LRRC18: variants seen among roughly 807,000 people sequenced by gnomAD.
LRRC18 encodes leucine rich repeat containing 18, also known as leucine-rich repeat-containing protein 18.
In LRRC18, 12 loss-of-function variants were observed where a neutral mutation model predicts 11.2. The ratio of observed to expected loss-of-function variants is 1.07; its 90% confidence interval spans 0.69 to 1.74. LRRC18 has a LOEUF of 1.74. LRRC18 is among the 40% of genes most tolerant of loss of function. The probability of loss-of-function intolerance (pLI) is 0.00; values close to 1 mark genes in which losing one functional copy is unlikely to be tolerated. For synonymous variants in LRRC18, 155 were observed against 130.6 expected (o/e 1.19, Z -1.27); for missense variants, 374 against 330.5 (o/e 1.13, Z -1.02).
chr10:48,910,388 G>A, intron 1 of LRRC18, 130 bp from the exon 4 acceptor site: 1 of 785,420 alleles, frequency 1.3e-6, no homozygotes, highest in Non-Finnish European at 2.3e-6. Context: ...AGTGTGAATG[G>A]GGGTTTTGTT....
At chr10:48,914,286 C>A (rs187744321), upstream of LRRC18, 100 of 950,494 alleles carry the variant, frequency 1.1e-4, 1 homozygote, top group African/African-American at 1.3e-3. Context: ...GCACTGGGCT[C>A]CCCCACGTCA....
chr10:48,914,834 C>T (rs1838359297), upstream of LRRC18, among the ~76,000 whole-genome samples: 1 of 152,172 alleles, frequency 6.6e-6, no homozygotes, highest in Non-Finnish European at 1.5e-5. Context: ...TTGCTGGGCC[C>T]AGCAGCACCA....
chr10:48,923,132 C>T, the LRRC18 span, among the ~76,000 whole-genome samples: 3 of 152,300 alleles, frequency 2.0e-5, no homozygotes, highest in African/African-American at 2.4e-5. Context: ...GCTTGTCCCA[C>T]GTTGGAAGTC....
chr10:48,910,843 G>A (rs12254529), intron 1 of LRRC18: 17 of 898,306 alleles, frequency 1.9e-5, no homozygotes, highest in East Asian at 2.4e-4. Flanking sequence ...GTGCTGCAGC[G>A]GGGAAGGGAG....
At chr10:48,938,280 G>A in the LRRC18 span, among the ~76,000 whole-genome samples, 3 of 152,236 alleles carry the variant, frequency 2.0e-5, no homozygotes, top group East Asian at 3.8e-4. Context: ...TTAACCTGCA[G>A]GCCCTCTGTA....
the LRRC18 span, among the ~76,000 whole-genome samples, chr10:48,921,161 A>G: frequency 1.2e-4 from 18 of 152,218 alleles, no homozygotes; most frequent in African/African-American, 3.6e-4. Flanking sequence ...CTAGGAATGG[A>G]AAATAATTTT....
chr10:48,913,703 G>A lies in LRRC18; in HGVS notation c.453C>T (p.Leu151=), dbSNP rs369639704. The A allele has an allele frequency of 7.4e-6, 12 of 1,612,386 alleles. No individual in the cohort carries two copies. In the African/African-American group the frequency reaches 1.3e-4, roughly 18 times the overall value. ...GGATGTTGTTCAGTAGGTTGTCATG[G>A]AGCCCTACCTCGTGGAGCTCCTTCA... The change falls in exon 1 of 2, where the codon CTC becomes CTT. Residue 151 remains leucine, a synonymous_variant. Coordinates refer to ENST00000374160, the Ensembl canonical transcript of LRRC18.
At chr10:48,927,337 T>C in the LRRC18 span, among the ~76,000 whole-genome samples, 18 of 152,226 alleles carry the variant, frequency 1.2e-4, no homozygotes, top group East Asian at 3.3e-3. Flanking sequence ...CGCAACACTC[T>C]CCTTTGTGGT....
chr10:48,932,616 G>A, the LRRC18 span: 3 of 150,768 alleles, frequency 2.0e-5, no homozygotes, highest in Admixed American at 1.3e-4. Flanking sequence ...TGTGTTTCTC[G>A]TGAAGCTACC....
exon 1 of LRRC18, chr10:48,913,808 C>T (rs755602650): frequency 1.2e-6 from 2 of 1,613,976 alleles, no homozygotes; most frequent in Admixed American, 1.7e-5. Context: ...GTTGCTTCAG[C>T]TCCACGGGCA....
chr10:48,921,809 G>C, the LRRC18 span, among the ~76,000 whole-genome samples: 1 of 152,076 alleles, frequency 6.6e-6, no homozygotes, highest in African/African-American at 2.4e-5. Context: ...CACAAAAATC[G>C]ATAGTGCAAA....
upstream of LRRC18, among the ~76,000 whole-genome samples, chr10:48,918,761 G>C (rs1357184500): frequency 6.6e-6 from 1 of 152,134 alleles, no homozygotes; most frequent in Non-Finnish European, 1.5e-5. Flanking sequence ...GGGTAGGATG[G>C]TGACAGGGCT....
At chr10:48,933,871 A>G in the LRRC18 span, among the ~76,000 whole-genome samples, 2 of 152,064 alleles carry the variant, frequency 1.3e-5, no homozygotes, top group African/African-American at 2.4e-5. Flanking sequence ...GAAGGGAGAA[A>G]GGGCCTGACA....
the LRRC18 span, among the ~76,000 whole-genome samples, chr10:48,929,733 T>G: frequency 1.3e-5 from 2 of 152,170 alleles, no homozygotes; most frequent in Non-Finnish European, 1.5e-5. Context: ...ATGATAAGCA[T>G]CTCAAACCCT....
chr10:48,924,484 A>G, the LRRC18 span, among the ~76,000 whole-genome samples: 3 of 152,256 alleles, frequency 2.0e-5, no homozygotes, highest in Non-Finnish European at 4.4e-5. Context: ...AGATAAGCAG[A>G]TAGATGGGCG....
At chr10:48,917,509 G>A (rs773383507), upstream of LRRC18, among the ~76,000 whole-genome samples, 5 of 152,168 alleles carry the variant, frequency 3.3e-5, no homozygotes, top group African/African-American at 1.2e-4. Flanking sequence ...GAACAATGAC[G>A]TATCACCCAC....
chr10:48,923,615 A>G, the LRRC18 span, among the ~76,000 whole-genome samples: 1 of 151,586 alleles, frequency 6.6e-6, no homozygotes, highest in Non-Finnish European at 1.5e-5. Context: ...ATTAGTGCTT[A>G]CTCATGCATT....
At chr10:48,931,137 G>A in the LRRC18 span, among the ~76,000 whole-genome samples, 75 of 150,140 alleles carry the variant, frequency 5.0e-4, no homozygotes, top group African/African-American at 1.3e-3. Flanking sequence ...ACACGATTCC[G>A]CTTCTTTTCC....
the LRRC18 span, among the ~76,000 whole-genome samples, chr10:48,929,958 G>T: frequency 1.3e-5 from 2 of 151,654 alleles, no homozygotes; most frequent in African/African-American, 4.9e-5. Context: ...ATAGCATCTG[G>T]CATCTAAATG....
Sources: gnomAD v4.1 joint callset for allele counts (sites outside exome capture counted in the v4.1 genomes callset) on GRCh38, gnomAD v4.1.1 for gene constraint, MANE v1.5 for transcripts, NCBI Gene and HGNC (gene_info 2026-07-23, HGNC 2026-07-21) for gene names.